PSG4: variants seen among roughly 807,000 people sequenced by gnomAD.
The protein encoded by PSG4 is pregnancy specific beta-1-glycoprotein 4.
Under a neutral mutation model 44.3 loss-of-function variants are expected in PSG4, and 61 were observed. The ratio of observed to expected loss-of-function variants is 1.38; its 90% CI spans 1.12 to 1.70. The LOEUF is 1.70. Ranked by LOEUF, PSG4 falls within the 40% of genes most tolerant of loss-of-function variation. The pLI is 0.00. For synonymous variants in PSG4, 248 were observed against 191.3 expected (o/e 1.30, Z -2.45); for missense variants, 677 against 511.7 (o/e 1.32, Z -3.12).
intron 2 of PSG4, among the ~76,000 whole-genome samples, chr19:43,199,647 T>G (rs1264866866): frequency 6.9e-6 from 1 of 144,968 alleles, no homozygotes; most frequent in Non-Finnish European, 1.5e-5. Flanking sequence ...GATGCTCAAT[T>G]TGTAATACTG....
rs993855453 is a variant in PSG4, at chr19:43,202,736, T to C, written c.430+1150A>G. Among the ~76,000 whole-genome samples the C allele has an allele frequency of 6.2e-4, 90 of 145,172 alleles. 21 individuals carry two copies. Among genetic ancestry groups the C allele is most frequent in the Non-Finnish European group, 2.7e-4 (18 of 67,080 alleles). On this transcript the variant is annotated intron_variant, in intron 2 of 5. Coordinates refer to ENST00000405312, the MANE Select transcript of PSG4 (RefSeq NM_002780.5). ...GACATATTTTTTGCACTGACTCTGA[T>C]GGTTGAGGCAGGTGATTTAGTTCTG...
At chr19:43,193,421 G>T (rs878935679) in intron 5 of PSG4, 33 bp from the exon 6 acceptor site, 1 of 767,048 alleles carries the variant, frequency 1.3e-6, no homozygotes, top group Non-Finnish European at 2.4e-6. Flanking sequence ...CAGAAACAAT[G>T]AACAGAGCTG....
intron 2 of PSG4, among the ~76,000 whole-genome samples, chr19:43,202,906 T>C (rs1363667677): frequency 6.9e-6 from 1 of 144,722 alleles, no homozygotes; most frequent in Admixed American, 6.9e-5. Flanking sequence ...GAAGGGCCTG[T>C]GGCTGCAGAC....
rs1967188741 is a variant in PSG4 at position 43,195,229 on chromosome 19, TG to T, written c.753del (p.Arg252GlufsTer7). On this transcript the variant is annotated frameshift_variant, in exon 4 of 6. Transcript: ENST00000405312. LOFTEE classifies it high-confidence loss of function. ...AAGGTTAAGACATCCTTATTCTCTCTGGGGTTTAAGTTGTTGATTGTGATGT... is the reference window on the plus strand; with the variant it reads ...AAGGTTAAGACATCCTTATTCTCTCTGGGTTTAAGTTGTTGATTGTGATGT... ...KPYITINNLNPRENKDVLTFT... is the reference protein window; with the variant it reads ...KPYITINNLNXRENKDVLTFT... 6.8e-6 allele frequency: 11 copies of T among 1,610,368 alleles called. No homozygotes were observed. Among genetic ancestry groups the T allele is most frequent in the Non-Finnish European group, 9.3e-6 (11 of 1,178,956 alleles).
At chr19:43,201,587 A>C (rs559593932) in intron 2 of PSG4, among the ~76,000 whole-genome samples, 3 of 145,008 alleles carry the variant, frequency 2.1e-5, no homozygotes, top group Admixed American at 2.1e-4. Flanking sequence ...AGGCAGATTC[A>C]AGCACAAACA....
intron 2 of PSG4, among the ~76,000 whole-genome samples, chr19:43,201,369 C>T (rs1967502276): frequency 6.9e-6 from 1 of 145,710 alleles, no homozygotes; most frequent in Admixed American, 6.8e-5. Context: ...AAAATGTAGG[C>T]ACAGTTTATG....
rs370165349 is a variant in PSG4 at position 43,195,007 on chromosome 19, G to C, written c.976C>G (p.Leu326Val). 3.4e-5 allele frequency: 55 copies of C among 1,611,922 alleles called. No individual in the cohort carries two copies. In the African/African-American group the frequency reaches 3.8e-4, roughly 11 times the overall value. Residue 326 changes from leucine to valine, a missense_variant, in exon 4 of 6, where the codon CTG (leucine) becomes GTG (valine). Leu to Val is a conservative substitution (Grantham distance 32). Coordinates refer to ENST00000405312, the MANE Select transcript of PSG4 (RefSeq NM_002780.5). ...YGGIRSDPVT[L>V]NVLYGPDLPS... is the part of the protein sequence containing the mutation. ...AAAAGATACTCACAGAGGACATTCA[G>C]GGTGACTGGGTCACTGCGGATGCCA...
Position 43,198,315 on chromosome 19 carries a change from C to G in PSG4, c.431-40G>C. The G allele has an allele frequency of 3.2e-6, 5 of 1,556,474 alleles. 1 individual carries two copies. The African/African-American group carries it at 4.4e-5, about 14-fold the overall frequency. On this transcript the variant is annotated intron_variant, in intron 2 of 5. Coordinates refer to ENST00000405312, the MANE Select transcript of PSG4 (RefSeq NM_002780.5). ...GAGAGAGGTTTGCCCTGTGTGGCAT[C>G]TTTGATTCTTCCAAAGGCATTTTTC...
chr19:43,194,115 G>C, intron 5 of PSG4: 1 of 1,335,504 alleles, frequency 7.5e-7, no homozygotes, highest in South Asian at 1.5e-5. Context: ...TGAAATCAAT[G>C]TTTCTCCTGC....
rs183902375 is a variant in PSG4, at chr19:43,193,271, A to G, written c.*101T>C. On this transcript the variant is annotated 3_prime_UTR_variant, in exon 6 of 6. Transcript: ENST00000405312. ...ACAAGGGTTTTCCCATGAAATTTAC[A>G]TCGAGTTGTCCACCTCCAGCTTATA... 6 of 769,376 alleles carry G rather than the reference A, an allele frequency of 7.8e-6. No homozygotes were observed. The highest frequency in any genetic ancestry group is 3.4e-5 in the African/African-American group (2 of 58,894). 47.7% of individuals were successfully genotyped at this position (769,376 alleles called of 1,614,324 possible). A position where few individuals can be genotyped will look rare whatever the true frequency, so the allele number is the denominator to read the frequency against.
Position 43,193,069 on chromosome 19 carries a change from G to T in PSG4, c.*303C>A, listed in dbSNP as rs1048142849. On this transcript the variant is annotated 3_prime_UTR_variant, in exon 6 of 6. Transcript: ENST00000405312. ...TGCCAAGTGAAAGAGGCAGGCATGA[G>T]CAAGGACGGTTAAGAGGGGTGGGAG... 10 of 601,202 alleles carry T rather than the reference G, an allele frequency of 1.7e-5. 1 individual carries two copies. Among genetic ancestry groups the T allele is most frequent in the Non-Finnish European group, 3.0e-5 (10 of 337,448 alleles). 37.2% of individuals were successfully genotyped at this position (601,202 alleles called of 1,614,324 possible).
chr19:43,194,667 C>T (rs1967157144), intron 4 of PSG4, 73 bp from the exon 5 acceptor site: 2 of 1,544,122 alleles, frequency 1.3e-6, no homozygotes, highest in Admixed American at 1.9e-5. Context: ...CTTAAAGGGA[C>T]ACAGTTACCC....
At chr19:43,195,406 G>T in intron 3 of PSG4, 133 bp from the exon 4 acceptor site, 24 of 1,422,034 alleles carry the variant, frequency 1.7e-5, no homozygotes, top group Non-Finnish European at 2.3e-5. Flanking sequence ...TGGTGCTTCT[G>T]TCACAAGATA....
In PSG4 at chr19:43,193,323, C is replaced by G. The variant is rs1176982684; in HGVS notation, c.*49G>C. The G allele has an allele frequency of 1.3e-6, 1 of 775,202 alleles. No individual in the cohort carries two copies. Among genetic ancestry groups the G allele is most frequent in the Non-Finnish European group, 2.4e-6 (1 of 417,622 alleles). The allele number at this position is 775,202 out of a possible 1,614,324, so 48.0% of individuals were successfully genotyped here. A position where few individuals can be genotyped will look rare whatever the true frequency, so the allele number is the denominator to read the frequency against. On this transcript the variant is annotated 3_prime_UTR_variant, in exon 6 of 6. Coordinates refer to ENST00000405312, the MANE Select transcript of PSG4 (RefSeq NM_002780.5). ...GGCTTCTGGAACAGAGTGGGTCTTGCTCTTCGTGATTCCATGGGAGAAAAT... is the reference window on the plus strand; with the variant it reads ...GGCTTCTGGAACAGAGTGGGTCTTGGTCTTCGTGATTCCATGGGAGAAAAT...
intron 5 of PSG4, chr19:43,193,653 G>T: frequency 1.8e-6 from 1 of 564,474 alleles, no homozygotes; most frequent in Non-Finnish European, 3.1e-6. Flanking sequence ...GTTTTTATAA[G>T]GACTCTCAGA....
chr19:43,193,020 G>A lies in PSG4; in HGVS notation c.*352C>T. On this transcript the variant is annotated 3_prime_UTR_variant, in exon 6 of 6. Coordinates refer to ENST00000405312, the MANE Select transcript of PSG4 (RefSeq NM_002780.5). ...GTTACCCTCAGAAGCTACTACATGT[G>A]AAATTCTAATGACTGCATTATCCTG... 1 of 556,952 alleles carries A rather than the reference G, an allele frequency of 1.8e-6. No individual in the cohort carries two copies. The highest frequency in any genetic ancestry group is 3.2e-6 in the Non-Finnish European group (1 of 312,648). The allele number at this position is 556,952 out of a possible 1,614,324, so 34.5% of individuals were successfully genotyped here. A position where few individuals can be genotyped will look rare whatever the true frequency, so the allele number is the denominator to read the frequency against.
At position 43,200,272 on chromosome 19, in the gene PSG4, GT is replaced by G. The variant is rs1487062783; in HGVS notation, c.431-1998del. 1.4e-5 allele frequency among the ~76,000 whole-genome samples: 2 copies of G among 144,926 alleles called. 1 individual carries two copies. Among genetic ancestry groups the G allele is most frequent in the African/African-American group, 5.3e-5 (2 of 37,554 alleles). On this transcript the variant is annotated intron_variant, in intron 2 of 5. Transcript: ENST00000405312. ...GAAACAGTTGTATGTGGCACAGGCA[GT>G]AAAACCATCAGATAGCACCCACCTG...
intron 2 of PSG4, among the ~76,000 whole-genome samples, chr19:43,199,473 A>T (rs1967409229): frequency 6.9e-6 from 1 of 145,544 alleles, no homozygotes; most frequent in Non-Finnish European, 1.5e-5. Flanking sequence ...TCGATTTCTA[A>T]TTTTTTTATT....
In PSG4 at chr19:43,205,209, G is replaced by A. The variant is rs1471068230; in HGVS notation, c.64+264C>T. On this transcript the variant is annotated intron_variant, in intron 1 of 5. Coordinates refer to ENST00000405312, the MANE Select transcript of PSG4 (RefSeq NM_002780.5). ...TGCAACTTCTGCCTCGTGGGTGCAC[G>A]TGATTCTCCTGCCACAGCCTCCTGA... 3.8e-5 allele frequency among the ~76,000 whole-genome samples: 5 copies of A among 133,098 alleles called. 1 individual carries two copies. Among genetic ancestry groups the A allele is most frequent in the African/African-American group, 1.5e-4 (5 of 32,776 alleles). 87.3% of individuals were successfully genotyped at this position (133,098 alleles called of 152,430 possible). A position where few individuals can be genotyped will look rare whatever the true frequency, so the allele number is the denominator to read the frequency against.
Sources: gnomAD v4.1 joint callset for allele counts (sites outside exome capture counted in the v4.1 genomes callset) on GRCh38, gnomAD v4.1.1 for gene constraint, MANE v1.5 for transcripts, NCBI Gene and HGNC (gene_info 2026-07-23, HGNC 2026-07-21) for gene names.